The following FBXL17 variants were observed in gnomAD, a reference collection of about 807,000 sequenced individuals.
FBXL17 encodes F-box/LRR-repeat protein 17.
FBXL17 carries 22 observed loss-of-function variants against 66.2 expected under a neutral mutation model. That is an observed-to-expected ratio of 0.33 (90% CI 0.24 to 0.47). FBXL17 has a LOEUF of 0.47. Ranked by LOEUF, FBXL17 falls within the 20% of genes least tolerant of loss-of-function variation. The pLI, the probability that FBXL17 is intolerant of heterozygous loss-of-function variation, is 1.00. For missense variants in FBXL17, 878 were observed against 948.2 expected, an observed-to-expected ratio of 0.93 and a Z score of 0.97; for synonymous variants, 474 against 400.5, an observed-to-expected ratio of 1.18 and a Z score of -2.19.
At chr5:107,880,068 G>T in intron 8 of FBXL17, 1 of 295,852 alleles carries the variant, frequency 3.4e-6, no homozygotes, top group Non-Finnish European at 5.0e-6. Flanking sequence ...TCCAGTATAG[G>T]TTTTTTTTGT....
At chr5:107,952,651 T>C (rs1751533823) in intron 7 of FBXL17, among the ~76,000 whole-genome samples, 1 of 152,184 alleles carries the variant, frequency 6.6e-6, no homozygotes, top group Non-Finnish European at 1.5e-5. Context: ...ACATTTCAAA[T>C]ATTGGCATGG....
At position 108,062,259 on chromosome 5, in the gene FBXL17, C is replaced by T. The variant is rs1158098125; in HGVS notation, c.1746-41258G>A. Among the ~76,000 whole-genome samples, 49 of 151,964 alleles carry T rather than the reference C, an allele frequency of 3.2e-4. 1 individual carries two copies. Among genetic ancestry groups the T allele is most frequent in the Non-Finnish European group, 2.4e-4 (16 of 67,996 alleles). On this transcript the variant is annotated intron_variant, in intron 6 of 8. Coordinates refer to ENST00000542267, the MANE Select transcript of FBXL17 (RefSeq NM_001163315.3). ...GAATAAAAAATGACCTTTTCATTTGCTCTTCCGTAGCTTGGCATTCCTATA... is the reference window on the plus strand; with the variant it reads ...GAATAAAAAATGACCTTTTCATTTGTTCTTCCGTAGCTTGGCATTCCTATA...
chr5:107,969,696 G>C (rs1425063077), intron 7 of FBXL17, among the ~76,000 whole-genome samples: 1 of 152,142 alleles, frequency 6.6e-6, no homozygotes, highest in East Asian at 1.9e-4. Context: ...ACTGATATTA[G>C]ACAAGGGAAT....
chr5:107,975,780 T>C (rs907005430), intron 7 of FBXL17, among the ~76,000 whole-genome samples: 1 of 151,454 alleles, frequency 6.6e-6, no homozygotes, highest in African/African-American at 2.4e-5. Context: ...ATGCATGGAA[T>C]CTAAACCAAT....
intron 7 of FBXL17, among the ~76,000 whole-genome samples, chr5:107,984,105 G>A (rs1390686959): frequency 2.6e-5 from 4 of 152,034 alleles, no homozygotes; most frequent in Non-Finnish European, 4.4e-5. Context: ...GAGCAAGCTC[G>A]GCCTTGGGGA....
chr5:107,972,043 C>A (rs1206959282), intron 7 of FBXL17, among the ~76,000 whole-genome samples: 1 of 152,188 alleles, frequency 6.6e-6, no homozygotes, highest in East Asian at 1.9e-4. Flanking sequence ...GAGCATGTAG[C>A]ACAGTGTTCG....
intron 8 of FBXL17, among the ~76,000 whole-genome samples, chr5:107,867,778 G>C (rs577010163): frequency 6.6e-6 from 1 of 152,302 alleles, no homozygotes; most frequent in Non-Finnish European, 1.5e-5. Flanking sequence ...TGGTTCTGCT[G>C]TCATGGTAGT....
At chr5:107,875,364 G>A (rs1256239858) in intron 8 of FBXL17, among the ~76,000 whole-genome samples, 4 of 152,056 alleles carry the variant, frequency 2.6e-5, no homozygotes, top group African/African-American at 4.8e-5. Context: ...TTTCCCCATA[G>A]GGCTTTCCTG....
chr5:108,015,340 T>C (rs530537422), intron 7 of FBXL17, among the ~76,000 whole-genome samples: 2 of 152,302 alleles, frequency 1.3e-5, no homozygotes, highest in East Asian at 1.9e-4. Context: ...ACAGTAAACA[T>C]TAGGACATTC....
rs768257640 is a variant in FBXL17 at position 107,880,925 on chromosome 5, T to C, written c.1965+112A>G. 6 of 1,524,060 alleles carry C rather than the reference T, an allele frequency of 3.9e-6. No homozygotes were observed. The African/African-American group carries it at 5.6e-5, about 14-fold the overall frequency. The allele number at this position is 1,524,060 out of a possible 1,614,324, so 94.4% of individuals were successfully genotyped here. ...ATTGCATATATACATATAAAATGTA[T>C]ATATAATATATAATACACGGGGGTG... On this transcript the variant is annotated intron_variant, in intron 8 of 8. Coordinates refer to ENST00000542267, the MANE Select transcript of FBXL17 (RefSeq NM_001163315.3).
chr5:108,070,296 C>T (rs531406181), intron 6 of FBXL17, among the ~76,000 whole-genome samples: 1 of 152,272 alleles, frequency 6.6e-6, no homozygotes, highest in South Asian at 2.1e-4. Flanking sequence ...GTGTGGTAGT[C>T]TTTAAAAACC....
intron 7 of FBXL17, among the ~76,000 whole-genome samples, chr5:107,941,129 A>C (rs56799318): frequency 0.6 from 89,284 of 148,446 alleles, 27,231 homozygotes; most frequent in Middle Eastern, 0.69. Flanking sequence ...AAAAAAAAAA[A>C]CCCCACACAC....
At chr5:108,016,993 G>T (rs1051107514) in intron 7 of FBXL17, among the ~76,000 whole-genome samples, 3 of 151,934 alleles carry the variant, frequency 2.0e-5, no homozygotes, top group African/African-American at 7.2e-5. Flanking sequence ...TGGTCAGGCC[G>T]GTCTCAAACT....
intron 5 of FBXL17, among the ~76,000 whole-genome samples, chr5:108,198,927 AAAG>A (rs901613890): frequency 2.6e-4 from 39 of 152,236 alleles, no homozygotes; most frequent in African/African-American, 9.1e-4. Flanking sequence ...TGAAATTATT[AAAG>A]ATGATAAAAG....
chr5:108,381,307 C>CATA lies in FBXL17; in HGVS notation c.384_385insTAT (p.Ala128_Ala129insTyr). 7.2e-7 allele frequency: 1 copy of CATA among 1,392,752 alleles called. No individual in the cohort carries two copies. Among genetic ancestry groups the CATA allele is most frequent in the Non-Finnish European group, 9.3e-7 (1 of 1,077,854 alleles). The allele number at this position is 1,392,752 out of a possible 1,614,324, so 86.3% of individuals were successfully genotyped here. On this transcript the variant is annotated inframe_insertion, in exon 1 of 9. Coordinates refer to ENST00000542267, the MANE Select transcript of FBXL17 (RefSeq NM_001163315.3). ...GGCGACGAAGCCGAGGCGGCAGCGG[C>CATA]GGCGGCGGCGGCGGCCGAGGATAGC...
intron 4 of FBXL17, chr5:108,297,651 C>A (rs1312999164): frequency 1.5e-5 from 3 of 201,564 alleles, no homozygotes; most frequent in Non-Finnish European, 2.6e-5. Flanking sequence ...TACAAGACTG[C>A]TAAAATTGTT....
intron 7 of FBXL17, among the ~76,000 whole-genome samples, chr5:107,945,820 T>C (rs1449240370): frequency 1.3e-5 from 2 of 152,256 alleles, no homozygotes; most frequent in Middle Eastern, 3.4e-3. Flanking sequence ...TTGTAAACAT[T>C]TATTTTTTAA....
chr5:108,252,102 G>T (rs1413785329), intron 4 of FBXL17, among the ~76,000 whole-genome samples: 1 of 152,106 alleles, frequency 6.6e-6, no homozygotes, highest in African/African-American at 2.4e-5. Flanking sequence ...CGAAGCTTTT[G>T]CACGGGTGTT....
At chr5:107,950,257 T>G (rs1027933364) in intron 7 of FBXL17, among the ~76,000 whole-genome samples, 2 of 152,158 alleles carry the variant, frequency 1.3e-5, no homozygotes, top group African/African-American at 4.8e-5. Flanking sequence ...GGGATCACTT[T>G]AGATATACAA....
Sources: allele counts gnomAD v4.1 joint callset (sites outside exome capture counted in the v4.1 genomes callset), GRCh38; gene constraint gnomAD v4.1.1; transcripts MANE v1.5; gene names NCBI Gene and HGNC (gene_info 2026-07-23, HGNC 2026-07-21).